DDX60L: variants seen among roughly 807,000 people sequenced by gnomAD.
The protein encoded by DDX60L is probable ATP-dependent RNA helicase DDX60-like.
DDX60L carries 191 observed loss-of-function variants against 211.6 expected under a neutral mutation model. The ratio of observed to expected loss-of-function variants is 0.90; its 90% CI spans 0.80 to 1.02. The LOEUF (loss-of-function observed/expected upper bound fraction) is 1.02, where lower values mean the gene tolerates loss of function less well. DDX60L is among the 50% of genes least tolerant of loss of function. DDX60L has a pLI of 0.00. For synonymous variants in DDX60L, 706 were observed against 694.1 expected, an observed-to-expected ratio of 1.02 and a Z score of -0.27; for missense variants, 2,007 against 1,984.1, an observed-to-expected ratio of 1.01 and a Z score of -0.22.
intron 29 of DDX60L, among the ~76,000 whole-genome samples, chr4:168,388,820 C>A (rs1052278203): frequency 2.0e-4 from 31 of 152,106 alleles, no homozygotes; most frequent in Non-Finnish European, 7.4e-5. Context: ...AGGGGCAGGG[C>A]AACAGGCTGG....
At chr4:168,434,790 T>C (rs1579622645) in intron 10 of DDX60L, among the ~76,000 whole-genome samples, 1 of 152,210 alleles carries the variant, frequency 6.6e-6, no homozygotes, top group Non-Finnish European at 1.5e-5. Flanking sequence ...CTAAGGTAAG[T>C]GAACAGATGC....
chr4:168,416,476 C>T (rs1317456405), intron 20 of DDX60L, among the ~76,000 whole-genome samples: 1 of 152,142 alleles, frequency 6.6e-6, no homozygotes, highest in African/African-American at 2.4e-5. Flanking sequence ...CCCAGCTACT[C>T]AGGAGGCTGA....
Position 168,471,951 on chromosome 4 carries a change from A to G in DDX60L, c.75-15T>C, listed in dbSNP as rs912469246. The G allele has an allele frequency of 1.0e-5, 16 of 1,544,124 alleles. No individual in the cohort carries two copies. The highest frequency in any genetic ancestry group is 1.7e-4 in the Middle Eastern group (1 of 5,968). On this transcript the variant is annotated splice_polypyrimidine_tract_variant and intron_variant, in intron 3 of 37. Coordinates refer to ENST00000682922, the MANE Select transcript of DDX60L (RefSeq NM_001012967.3). ...TGCTGGAATACCTAAAATAAAAATC[A>G]AAGAGAATAAAAATCACAGATGTTT...
At chr4:168,389,780 T>A (rs374901352) in intron 29 of DDX60L, among the ~76,000 whole-genome samples, 1 of 152,186 alleles carries the variant, frequency 6.6e-6, no homozygotes, top group Middle Eastern at 3.2e-3. Context: ...AATACTGACA[T>A]GAAGTCAAAA....
chr4:168,400,953 T>C lies in DDX60L; in HGVS notation c.3364A>G (p.Arg1122Gly). ...FLFKNDDVGK[R>G]AGSVCTFLEK... ...AGAAAAGTGCACACACTTCCAGCTCTTTTTCCCACATCATCATTCTTAAAC... is the reference window on the plus strand; with the variant it reads ...AGAAAAGTGCACACACTTCCAGCTCCTTTTCCCACATCATCATTCTTAAAC... Residue 1122 changes from arginine to glycine, a missense_variant, in exon 26 of 38, where the codon AGA becomes GGA. Physicochemically the swap from Arg to Gly is moderately radical, Grantham distance 125. Coordinates refer to ENST00000682922, the MANE Select transcript of DDX60L (RefSeq NM_001012967.3). 6.2e-7 allele frequency: 1 copy of C among 1,613,398 alleles called. No homozygotes were observed. Among genetic ancestry groups the C allele is most frequent in the Non-Finnish European group, 8.5e-7 (1 of 1,179,560 alleles).
chr4:168,423,518 T>C (rs1750976331), intron 15 of DDX60L, 90 bp downstream of exon 15: 1 of 903,174 alleles, frequency 1.1e-6, no homozygotes, highest in Admixed American at 3.4e-5. Flanking sequence ...GATAACTCTA[T>C]ATGTGAGATA....
chr4:168,402,782 G>A (rs577125935), intron 25 of DDX60L, among the ~76,000 whole-genome samples: 7 of 152,264 alleles, frequency 4.6e-5, no homozygotes, highest in African/African-American at 1.7e-4. Context: ...AACTGTCATA[G>A]AGTTCTCAAT....
rs781393142 is a variant in DDX60L at position 168,400,902 on chromosome 4, G to A, written c.3415C>T (p.Pro1139Ser). The change falls in exon 26 of 38, where the codon CCC becomes TCC. Residue 1139 changes from proline to serine, a missense_variant. Coordinates refer to ENST00000682922, the MANE Select transcript of DDX60L (RefSeq NM_001012967.3). The stretch of plus-strand genomic sequence containing the variant: ...ACATAACTATGACATTCAGTGTGGG[G>A]ATGGCTTTTTGTCTCTGTCTTCTCC... Reference protein sequence around the residue: ...FLEKTETKSHPHTECHSYVFA... With the variant: ...FLEKTETKSHSHTECHSYVFA... 6.2e-7 allele frequency: 1 copy of A among 1,613,436 alleles called. No homozygotes were observed. The highest frequency in any genetic ancestry group is 1.7e-5 in the Admixed American group (1 of 60,016).
At chr4:168,451,017 C>T (rs893290131) in intron 8 of DDX60L, among the ~76,000 whole-genome samples, 1 of 152,170 alleles carries the variant, frequency 6.6e-6, no homozygotes, top group Non-Finnish European at 1.5e-5. Context: ...CAGAATTTGA[C>T]ACTAATAAAC....
intron 33 of DDX60L, among the ~76,000 whole-genome samples, chr4:168,377,330 A>C (rs913831346): frequency 2.6e-5 from 4 of 151,056 alleles, no homozygotes; most frequent in African/African-American, 9.7e-5. Flanking sequence ...AAATAAATAA[A>C]TAAATAAATA....
Position 168,394,453 on chromosome 4 carries a change from A to T in DDX60L, c.3810+12T>A. ...ACAACTTTATTTTTTAAATGCAAAG[A>T]AATTTACCTACCCTAATAAGCCCTT... is the stretch of plus-strand genomic sequence containing the variant. On this transcript the variant is annotated intron_variant, in intron 28 of 37. Transcript: ENST00000682922. 6.3e-7 allele frequency: 1 copy of T among 1,582,550 alleles called. No homozygotes were observed. The highest frequency in any genetic ancestry group is 8.6e-7 in the Non-Finnish European group (1 of 1,168,202).
intron 6 of DDX60L, among the ~76,000 whole-genome samples, chr4:168,457,287 C>CAT (rs1561114356): frequency 1.4e-4 from 21 of 150,652 alleles, no homozygotes; most frequent in African/African-American, 4.9e-4. Flanking sequence ...CACACACACA[C>CAT]ACACATACAC....
intron 28 of DDX60L, among the ~76,000 whole-genome samples, chr4:168,394,180 A>G (rs1745362248): frequency 6.6e-6 from 1 of 151,910 alleles, no homozygotes; most frequent in Non-Finnish European, 1.5e-5. Flanking sequence ...TGGAAAACAG[A>G]GCGAGACTCG....
chr4:168,456,538 T>C (rs1756594093), intron 6 of DDX60L, among the ~76,000 whole-genome samples: 1 of 152,102 alleles, frequency 6.6e-6, no homozygotes, highest in South Asian at 2.1e-4. Flanking sequence ...ATATCAAAAA[T>C]TTTAAAATAA....
At chr4:168,445,495 T>C (rs1254550673) in intron 9 of DDX60L, among the ~76,000 whole-genome samples, 3 of 152,010 alleles carry the variant, frequency 2.0e-5, no homozygotes, top group Admixed American at 6.6e-5. Context: ...TTCCAATCAA[T>C]AGAAAAAGAG....
At position 168,365,423 on chromosome 4, in the gene DDX60L, A is replaced by G. The variant is rs190137677; in HGVS notation, c.4929-4212T>C. On this transcript the variant is annotated intron_variant, in intron 36 of 37. Transcript: ENST00000682922. ...CTAACACATTTGATAACATGGGAGA[A>G]ATGGCTAAGTTCCTGGACATATACA... 8.5e-5 allele frequency among the ~76,000 whole-genome samples: 13 copies of G among 152,214 alleles called. No individual in the cohort carries two copies. In the East Asian group the frequency reaches 2.5e-3, roughly 29 times the overall value.
At chr4:168,373,849 A>G in intron 34 of DDX60L, 41 bp from the exon 35 acceptor site, 1 of 1,596,198 alleles carries the variant, frequency 6.3e-7, no homozygotes, top group Non-Finnish European at 8.5e-7. Context: ...TTTAAAAATC[A>G]GCCCAAATGT....
chr4:168,477,477 A>G (rs1382717282), intron 1 of DDX60L, among the ~76,000 whole-genome samples: 7 of 152,172 alleles, frequency 4.6e-5, no homozygotes, highest in Non-Finnish European at 1.0e-4. Context: ...TCGTTCTTTT[A>G]ATCTAAAAAT....
chr4:168,405,730 A>T (rs533520270), intron 24 of DDX60L, among the ~76,000 whole-genome samples: 3 of 152,338 alleles, frequency 2.0e-5, no homozygotes, highest in African/African-American at 7.2e-5. Flanking sequence ...AGAAACCAAA[A>T]GCCTATGGTG....
Sources: gnomAD v4.1 joint callset for allele counts (sites outside exome capture counted in the v4.1 genomes callset) on GRCh38, gnomAD v4.1.1 for gene constraint, MANE v1.5 for transcripts, NCBI Gene and HGNC (gene_info 2026-07-23, HGNC 2026-07-21) for gene names.